The following PRELID2 variants were observed in gnomAD, a reference collection of about 807,000 sequenced individuals.
The protein encoded by PRELID2 is PRELI domain-containing protein 2.
PRELID2 carries 25 observed loss-of-function variants against 28.4 expected under a neutral mutation model. That is an observed-to-expected ratio of 0.88 (90% confidence interval 0.64 to 1.23). The LOEUF (loss-of-function observed/expected upper bound fraction) is 1.23, where lower values mean the gene tolerates loss of function less well. Ranked by LOEUF, PRELID2 falls within the 50% of genes most tolerant of loss-of-function variation. The pLI, the probability that PRELID2 is intolerant of heterozygous loss-of-function variation, is 0.00. For synonymous variants in PRELID2, 76 were observed against 71.6 expected (o/e 1.06, Z -0.31); for missense variants, 201 against 214.4 (o/e 0.94, Z 0.39).
chr5:145,766,044 CT>C (rs1757730776), intron 5 of PRELID2, among the ~76,000 whole-genome samples: 1 of 152,076 alleles, frequency 6.6e-6, no homozygotes, highest in Non-Finnish European at 1.5e-5. Context: ...AAAATTCTAC[CT>C]TGGAAGAAAG....
intron 1 of PRELID2, among the ~76,000 whole-genome samples, chr5:145,517,291 G>GA (rs199680141): frequency 1.0e-4 from 15 of 146,560 alleles, no homozygotes; most frequent in South Asian, 8.6e-4. Flanking sequence ...AAATTTACGA[G>GA]AAAAAAAAAA....
the PRELID2 span, among the ~76,000 whole-genome samples, chr5:145,269,925 A>C: frequency 6.7e-6 from 1 of 149,768 alleles, no homozygotes; most frequent in Non-Finnish European, 1.5e-5. Context: ...TATATACTAT[A>C]ATTAAGTATA....
At chr5:145,294,547 CACA>C in the PRELID2 span, among the ~76,000 whole-genome samples, 1 of 152,178 alleles carries the variant, frequency 6.6e-6, no homozygotes, top group Admixed American at 6.6e-5. Flanking sequence ...TTGACAATTT[CACA>C]ACAATAAGGG....
At chr5:145,406,901 G>A in the PRELID2 span, among the ~76,000 whole-genome samples, 1 of 152,190 alleles carries the variant, frequency 6.6e-6, no homozygotes, top group Non-Finnish European at 1.5e-5. Flanking sequence ...AAAAAGCAGT[G>A]AGAAGAGCCC....
At chr5:145,593,543 G>A (rs1753260146) in intron 1 of PRELID2, among the ~76,000 whole-genome samples, 1 of 152,044 alleles carries the variant, frequency 6.6e-6, no homozygotes, top group Admixed American at 6.6e-5. Flanking sequence ...AAACATTATA[G>A]GCAACTTTTG....
chr5:145,827,745 G>A (rs1755289447), intron 1 of PRELID2, among the ~76,000 whole-genome samples: 1 of 152,130 alleles, frequency 6.6e-6, no homozygotes, highest in African/African-American at 2.4e-5. Context: ...TAACTGCCCA[G>A]CACTCTTCAA....
At chr5:145,494,946 G>A (rs1258802374) in intron 1 of PRELID2, among the ~76,000 whole-genome samples, 2 of 152,132 alleles carry the variant, frequency 1.3e-5, no homozygotes, top group Non-Finnish European at 2.9e-5. Flanking sequence ...ATTCTTATAT[G>A]TTAAGTGTGC....
the PRELID2 span, among the ~76,000 whole-genome samples, chr5:145,423,310 G>A: frequency 1.3e-5 from 2 of 150,052 alleles, no homozygotes; most frequent in Admixed American, 6.6e-5. Context: ...AAGTTCTCCT[G>A]GATAATATCC....
the PRELID2 span, among the ~76,000 whole-genome samples, chr5:145,269,931 G>A: frequency 4.0e-5 from 6 of 148,890 alleles, no homozygotes; most frequent in African/African-American, 1.5e-4. Context: ...CTATAATTAA[G>A]TATATACAAC....
At chr5:145,659,607 G>A (rs892148583) in intron 1 of PRELID2, among the ~76,000 whole-genome samples, 2 of 152,120 alleles carry the variant, frequency 1.3e-5, no homozygotes, top group African/African-American at 4.8e-5. Context: ...GGTGGGAAAG[G>A]GACTCACTGG....
the PRELID2 span, among the ~76,000 whole-genome samples, chr5:145,274,316 T>A: frequency 6.6e-6 from 1 of 152,182 alleles, no homozygotes; most frequent in Non-Finnish European, 1.5e-5. Flanking sequence ...GACTTTTTAC[T>A]AGGTAGGGAG....
the PRELID2 span, among the ~76,000 whole-genome samples, chr5:145,302,961 C>T: frequency 6.6e-6 from 1 of 152,134 alleles, no homozygotes; most frequent in African/African-American, 2.4e-5. Flanking sequence ...GAGCATAACA[C>T]ATATCTCCTC....
chr5:145,461,762 T>A, the PRELID2 span, among the ~76,000 whole-genome samples: 1 of 152,362 alleles, frequency 6.6e-6, no homozygotes, highest in African/African-American at 2.4e-5. Flanking sequence ...AAGATTAGTA[T>A]CAGGTGGATT....
intron 1 of PRELID2, among the ~76,000 whole-genome samples, chr5:145,612,707 G>A (rs969040920): frequency 3.3e-5 from 5 of 152,024 alleles, no homozygotes; most frequent in African/African-American, 7.2e-5. Flanking sequence ...GAAAACATAC[G>A]ATGTTTGGTT....
At chr5:145,261,403 C>G in the PRELID2 span, among the ~76,000 whole-genome samples, 1 of 152,138 alleles carries the variant, frequency 6.6e-6, no homozygotes, top group African/African-American at 2.4e-5. Context: ...AAAAGTACAA[C>G]CAAGGACCCT....
chr5:145,281,576 C>G, the PRELID2 span, among the ~76,000 whole-genome samples: 4 of 152,180 alleles, frequency 2.6e-5, no homozygotes, highest in African/African-American at 9.7e-5. Context: ...CAAAATAAGA[C>G]AGTAATGACA....
intron 1 of PRELID2, among the ~76,000 whole-genome samples, chr5:145,655,004 C>T (rs1443850141): frequency 2.0e-5 from 3 of 151,906 alleles, no homozygotes; most frequent in Non-Finnish European, 4.4e-5. Context: ...AAAACCCCAT[C>T]GTCTCAACCC....
intron 5 of PRELID2, among the ~76,000 whole-genome samples, chr5:145,791,189 GC>G (rs1281866096): frequency 2.0e-5 from 3 of 152,048 alleles, no homozygotes; most frequent in Non-Finnish European, 2.9e-5. Flanking sequence ...AGGCAAGAAA[GC>G]TTGTGCAGGG....
chr5:145,665,568 A>T (rs1754572274), intron 1 of PRELID2, among the ~76,000 whole-genome samples: 1 of 152,074 alleles, frequency 6.6e-6, no homozygotes, highest in Admixed American at 6.6e-5. Context: ...TATGGCTCAC[A>T]TTACTCTTAT....
Sources: allele counts gnomAD v4.1 joint callset (sites outside exome capture counted in the v4.1 genomes callset), GRCh38; gene constraint gnomAD v4.1.1; transcripts MANE v1.5; gene names NCBI Gene and HGNC (gene_info 2026-07-23, HGNC 2026-07-21).